EVA1C: variants seen among roughly 807,000 people sequenced by gnomAD.
EVA1C encodes eva-1 homolog C, also known as protein eva-1 homolog C.
In EVA1C, 25 loss-of-function variants were observed where a neutral mutation model predicts 45.4. That is an observed-to-expected ratio of 0.55 (90% CI 0.40 to 0.77). The LOEUF (loss-of-function observed/expected upper bound fraction) is 0.77, where lower values mean the gene tolerates loss of function less well. EVA1C is among the 30% of genes least tolerant of loss of function. The probability of loss-of-function intolerance (pLI) is 0.00; values close to 1 mark genes in which losing one functional copy is unlikely to be tolerated. For missense variants in EVA1C, 479 were observed against 554.8 expected (o/e 0.86, Z 1.37); for synonymous variants, 190 against 221.2 (o/e 0.86, Z 1.25).
chr21:32,447,831 G>A (rs747625021), intron 1 of EVA1C, among the ~76,000 whole-genome samples: 31 of 151,914 alleles, frequency 2.0e-4, no homozygotes, highest in Non-Finnish European at 3.2e-4. Flanking sequence ...TCAGCCTCCC[G>A]AGTAACTGGG....
intron 4 of EVA1C, among the ~76,000 whole-genome samples, chr21:32,475,384 A>G (rs1052882842): frequency 5.9e-5 from 9 of 151,952 alleles, no homozygotes; most frequent in African/African-American, 2.2e-4. Context: ...ATTGTTCTGC[A>G]CAAACACCAT....
intron 7 of EVA1C, among the ~76,000 whole-genome samples, chr21:32,510,269 G>A (rs568295691): frequency 2.0e-5 from 3 of 152,046 alleles, no homozygotes; most frequent in East Asian, 3.9e-4. Context: ...TGGCCAGGCT[G>A]ATCTCAAACT....
intron 3 of EVA1C, among the ~76,000 whole-genome samples, chr21:32,458,044 G>C (rs1375274683): frequency 2.6e-5 from 4 of 152,234 alleles, no homozygotes; most frequent in Admixed American, 2.0e-4. Context: ...TGCAATTGCT[G>C]TTCCTCAAAG....
intron 1 of EVA1C, among the ~76,000 whole-genome samples, chr21:32,419,752 C>A (rs1470824765): frequency 2.8e-5 from 4 of 145,426 alleles, no homozygotes; most frequent in Non-Finnish European, 4.5e-5. Flanking sequence ...AACAAACAAA[C>A]AAAAAAACAT....
chr21:32,441,680 T>C (rs963376845), intron 1 of EVA1C, among the ~76,000 whole-genome samples: 1 of 151,952 alleles, frequency 6.6e-6, no homozygotes, highest in Admixed American at 6.6e-5. Context: ...GACAACTACA[T>C]AGGAAAATCC....
At chr21:32,447,059 C>T (rs2035389427) in intron 1 of EVA1C, among the ~76,000 whole-genome samples, 1 of 152,174 alleles carries the variant, frequency 6.6e-6, no homozygotes, top group South Asian at 2.1e-4. Flanking sequence ...CGTCTCTTGA[C>T]AATATCCCCC....
intron 4 of EVA1C, among the ~76,000 whole-genome samples, chr21:32,487,779 G>A (rs1381106465): frequency 1.3e-5 from 2 of 150,874 alleles, no homozygotes; most frequent in African/African-American, 2.4e-5. Context: ...TCCATGCCCC[G>A]TCCCCAAACC....
intron 2 of EVA1C, among the ~76,000 whole-genome samples, chr21:32,453,711 T>C (rs1467193974): frequency 3.9e-5 from 6 of 152,232 alleles, no homozygotes; most frequent in South Asian, 2.1e-4. Context: ...CAAAACTAAA[T>C]AGAATTCCTA....
chr21:32,455,131 C>T (rs11909767), intron 2 of EVA1C, among the ~76,000 whole-genome samples: 2,487 of 152,190 alleles, frequency 0.016, 61 homozygotes, highest in African/African-American at 0.056. Context: ...AAGAGCAAGG[C>T]GCCATAGGTT....
At chr21:32,497,691 C>T (rs775514439) in intron 5 of EVA1C, among the ~76,000 whole-genome samples, 10 of 152,006 alleles carry the variant, frequency 6.6e-5, no homozygotes, top group Admixed American at 2.6e-4. Context: ...AAGACATACC[C>T]GAGACTAGGC....
intron 1 of EVA1C, among the ~76,000 whole-genome samples, chr21:32,450,760 C>T (rs1323741268): frequency 6.6e-6 from 1 of 152,048 alleles, no homozygotes; most frequent in African/African-American, 2.4e-5. Context: ...AAGACACTGA[C>T]CAGAGGCCCA....
chr21:32,506,869 T>G (rs573668946), intron 7 of EVA1C, among the ~76,000 whole-genome samples: 6,824 of 152,248 alleles, frequency 0.045, 174 homozygotes, highest in Middle Eastern at 0.14. Context: ...TGTGGGGATG[T>G]GACCCACGGG....
At chr21:32,424,123 T>C (rs965273667) in intron 1 of EVA1C, among the ~76,000 whole-genome samples, 2 of 152,224 alleles carry the variant, frequency 1.3e-5, no homozygotes, top group African/African-American at 2.4e-5. Flanking sequence ...GCCCATGCGA[T>C]GCGTACTCGT....
At chr21:32,507,098 CT>C (rs1460982529) in intron 7 of EVA1C, among the ~76,000 whole-genome samples, 3 of 152,254 alleles carry the variant, frequency 2.0e-5, no homozygotes, top group East Asian at 1.9e-4. Context: ...GGTTTGTCCC[CT>C]GATATTAAAG....
In EVA1C at chr21:32,514,874, C is replaced by A; in HGVS notation, c.1010C>A (p.Thr337Lys). ...AGTGTCTGCATCGGCCTGGCCCTCA[C>A]ACTGTGCGCCCTGGTCATCAGAGAG... ...VSSVCIGLAL[T>K]LCALVIRESC... The change falls in exon 8 of 8, where the codon ACA (threonine) becomes AAA (lysine). Residue 337 changes from threonine to lysine, a missense_variant. By Grantham distance (78) the Thr-to-Lys change is moderately conservative. Around this residue, in one of 3 missense-constraint regions of EVA1C, gnomAD observed 366 missense variants for 426.1 expected, o/e 0.86. Coordinates refer to ENST00000300255, the MANE Select transcript of EVA1C (RefSeq NM_058187.5). The A allele has an allele frequency of 1.2e-6, 2 of 1,612,672 alleles. No homozygotes were observed. The highest frequency in any genetic ancestry group is 1.7e-6 in the Non-Finnish European group (2 of 1,179,424).
Position 32,515,301 on chromosome 21 carries a change from T to C in EVA1C, c.*111T>C. 1 of 1,226,294 alleles carries C rather than the reference T, an allele frequency of 8.2e-7. No homozygotes were observed. The highest frequency in any genetic ancestry group is 1.1e-6 in the Non-Finnish European group (1 of 883,478). 76.0% of individuals were successfully genotyped at this position (1,226,294 alleles called of 1,614,324 possible). On this transcript the variant is annotated 3_prime_UTR_variant, in exon 8 of 8. Transcript: ENST00000300255. The stretch of plus-strand genomic sequence containing the variant: ...CTATGAAGGAGAATTCGTCATGTCA[T>C]TCAACACTCGTGAGGCCAGGAAGCT...
intron 2 of EVA1C, among the ~76,000 whole-genome samples, chr21:32,456,053 T>C (rs944176746): frequency 6.6e-6 from 1 of 152,062 alleles, no homozygotes; most frequent in Non-Finnish European, 1.5e-5. Flanking sequence ...CCACCACGCC[T>C]GCTAATTTTT....
In EVA1C at chr21:32,514,849, A is replaced by G; in HGVS notation, c.985A>G (p.Ser329Gly). Residue 329 changes from serine (S) to glycine (G), a missense_variant, in exon 8 of 8, where the codon AGT becomes GGT. By Grantham distance (56) the Ser-to-Gly change is moderately conservative. This residue lies in a region of EVA1C where 366 missense variants were observed against 426.1 expected (regional missense o/e 0.86). Coordinates refer to ENST00000300255, the MANE Select transcript of EVA1C (RefSeq NM_058187.5). The part of the protein sequence containing the change: ...PERAALLFVS[S>G]VCIGLALTLC... ...GAGAGCTGCCCTGCTGTTCGTGTCCAGTGTCTGCATCGGCCTGGCCCTCAC... is the reference window on the plus strand; with the variant it reads ...GAGAGCTGCCCTGCTGTTCGTGTCCGGTGTCTGCATCGGCCTGGCCCTCAC... The G allele has an allele frequency of 6.3e-7, 1 of 1,597,250 alleles. No homozygotes were observed. Among genetic ancestry groups the G allele is most frequent in the Non-Finnish European group, 8.5e-7 (1 of 1,170,058 alleles).
At chr21:32,507,652 G>C (rs1313521332) in intron 7 of EVA1C, among the ~76,000 whole-genome samples, 3 of 151,722 alleles carry the variant, frequency 2.0e-5, no homozygotes, top group Non-Finnish European at 4.4e-5. Context: ...GTTTGCAGGT[G>C]TGCCTGTGTG....
Sources: gnomAD v4.1 joint callset for allele counts (sites outside exome capture counted in the v4.1 genomes callset) on GRCh38, gnomAD v4.1.1 for gene constraint, gnomAD v4.1.1 regional missense constraint, MANE v1.5 for transcripts, NCBI Gene and HGNC (gene_info 2026-07-23, HGNC 2026-07-21) for gene names.